KCNG3: variants seen among roughly 807,000 people sequenced by gnomAD.
KCNG3 encodes potassium voltage-gated channel modifier subfamily G member 3.
KCNG3 carries 15 observed loss-of-function variants against 29.0 expected under a neutral mutation model. The ratio of observed to expected loss-of-function variants is 0.52; its 90% CI spans 0.35 to 0.80. The LOEUF is 0.80. KCNG3 is among the 30% of genes least tolerant of loss of function. The pLI is 0.01. For missense variants in KCNG3, 512 were observed against 605.7 expected (o/e 0.85, Z 1.62); for synonymous variants, 322 against 248.9 (o/e 1.29, Z -2.76).
At chr2:42,486,030 A>G (rs1260168933) in intron 1 of KCNG3, among the ~76,000 whole-genome samples, 1 of 152,220 alleles carries the variant, frequency 6.6e-6, no homozygotes, top group Non-Finnish European at 1.5e-5. Flanking sequence ...GTTGTAAAGT[A>G]AGGAAAGACA....
the KCNG3 span, among the ~76,000 whole-genome samples, chr2:42,409,990 T>C: frequency 6.6e-6 from 1 of 152,142 alleles, no homozygotes; most frequent in African/African-American, 2.4e-5. Flanking sequence ...CTTAGAACTT[T>C]TGGGTTTCAT....
chr2:42,472,662 CTAA>C (rs960717767), intron 1 of KCNG3, among the ~76,000 whole-genome samples: 17 of 151,650 alleles, frequency 1.1e-4, no homozygotes, highest in African/African-American at 4.1e-4. Context: ...ACATACCCGG[CTAA>C]TTTTTGTATT....
At chr2:42,413,048 C>A in the KCNG3 span, among the ~76,000 whole-genome samples, 1 of 152,168 alleles carries the variant, frequency 6.6e-6, no homozygotes, top group Non-Finnish European at 1.5e-5. Flanking sequence ...TAGTTCACTG[C>A]AGCTTTTATC....
intron 1 of KCNG3, among the ~76,000 whole-genome samples, chr2:42,472,991 T>C (rs1262402475): frequency 6.8e-6 from 1 of 147,580 alleles, no homozygotes; most frequent in South Asian, 2.2e-4. Flanking sequence ...AAGCTCCGCC[T>C]CCCAGGTTCA....
chr2:42,478,761 G>A (rs928955955), intron 1 of KCNG3, among the ~76,000 whole-genome samples: 9 of 152,052 alleles, frequency 5.9e-5, no homozygotes, highest in African/African-American at 9.7e-5. Flanking sequence ...CAAGGGTCCC[G>A]TCTTGGTTAT....
chr2:42,416,508 T>G, the KCNG3 span, among the ~76,000 whole-genome samples: 1 of 152,032 alleles, frequency 6.6e-6, no homozygotes, highest in Non-Finnish European at 1.5e-5. Flanking sequence ...AATAACCAGA[T>G]TTTGAATGTG....
intron 1 of KCNG3, among the ~76,000 whole-genome samples, chr2:42,464,767 C>T (rs1673100085): frequency 1.3e-5 from 2 of 152,184 alleles, no homozygotes; most frequent in South Asian, 2.1e-4. Context: ...CTTAGGTCCA[C>T]TAGCATGGCT....
the KCNG3 span, among the ~76,000 whole-genome samples, chr2:42,419,423 A>G: frequency 2.0e-5 from 3 of 150,586 alleles, no homozygotes; most frequent in East Asian, 5.9e-4. Context: ...ATTTTTAGTT[A>G]AAGAGATGGG....
At chr2:42,417,600 G>C in the KCNG3 span, among the ~76,000 whole-genome samples, 3 of 152,162 alleles carry the variant, frequency 2.0e-5, no homozygotes, top group African/African-American at 7.2e-5. Flanking sequence ...GGGACTACAG[G>C]CGTGAGCCAC....
At chr2:42,405,471 C>A in the KCNG3 span, among the ~76,000 whole-genome samples, 1 of 151,428 alleles carries the variant, frequency 6.6e-6, no homozygotes, top group East Asian at 1.9e-4. Flanking sequence ...CGGCGTCTCA[C>A]TCTGTTTCCC....
intron 1 of KCNG3, among the ~76,000 whole-genome samples, chr2:42,474,750 T>C (rs1673380749): frequency 6.6e-6 from 1 of 152,234 alleles, no homozygotes; most frequent in African/African-American, 2.4e-5. Flanking sequence ...TTAAGTTTTA[T>C]GCACTACATT....
chr2:42,397,952 G>C, the KCNG3 span, among the ~76,000 whole-genome samples: 1 of 152,112 alleles, frequency 6.6e-6, no homozygotes, highest in Non-Finnish European at 1.5e-5. Context: ...GGCTGGGCAC[G>C]GTGGCTCACG....
intron 1 of KCNG3, among the ~76,000 whole-genome samples, chr2:42,473,792 TTA>T (rs2103713744): frequency 6.6e-6 from 1 of 152,270 alleles, no homozygotes; most frequent in African/African-American, 2.4e-5. Flanking sequence ...TTTTCAACAC[TTA>T]TATTAGAAAA....
At chr2:42,397,424 T>C in the KCNG3 span, among the ~76,000 whole-genome samples, 1 of 152,130 alleles carries the variant, frequency 6.6e-6, no homozygotes, top group Non-Finnish European at 1.5e-5. Context: ...TAAGCACGAT[T>C]ACTTACAGGA....
the KCNG3 span, among the ~76,000 whole-genome samples, chr2:42,396,973 G>GA: frequency 6.6e-6 from 1 of 152,144 alleles, no homozygotes; most frequent in East Asian, 1.9e-4. Context: ...AAAAAGCAAT[G>GA]AGAGGCTGGG....
In KCNG3 at chr2:42,444,519, G is replaced by A. The variant is rs761838194; in HGVS notation, c.726C>T (p.Val242=). The part of the protein sequence containing the change: ...FTAECIVRFI[V]SKNKCEFVKR... ...TGACAAACTCACACTTGTTTTTGGA[G>A]ACAATGAACCTCACGATGCACTCGG... Residue 242 remains valine (V), a synonymous_variant, in exon 2 of 2, where the codon GTC becomes GTT. Transcript: ENST00000306078. The surrounding 1 kb of genome is among the most constrained non-coding windows in gnomAD (Gnocchi z 5.8). The A allele has an allele frequency of 6.2e-7, 1 of 1,614,134 alleles. No individual in the cohort carries two copies. Among genetic ancestry groups the A allele is most frequent in the South Asian group, 1.1e-5 (1 of 91,070 alleles).
rs539723378 is a variant in KCNG3, at chr2:42,471,692, TA to T, written c.665+21144del. ...ATGAGCAATACAAACAACATGCAGA[TA>T]AATGTTTTTAAACATTATGCTCATC... On this transcript the variant is annotated intron_variant, in intron 1 of 1. Transcript: ENST00000306078. Among the ~76,000 whole-genome samples the T allele has an allele frequency of 7.4e-4, 112 of 152,170 alleles. 1 individual carries two copies. The South Asian group carries it at 0.022, about 30-fold the overall frequency.
At chr2:42,464,196 T>C (rs1374186511) in intron 1 of KCNG3, among the ~76,000 whole-genome samples, 2 of 152,224 alleles carry the variant, frequency 1.3e-5, no homozygotes, top group Non-Finnish European at 2.9e-5. Flanking sequence ...TACTGTGTAC[T>C]AGGTACTCAC....
At chr2:42,417,162 G>C in the KCNG3 span, among the ~76,000 whole-genome samples, 3 of 152,196 alleles carry the variant, frequency 2.0e-5, no homozygotes, top group African/African-American at 7.2e-5. Context: ...AGAATCGCTT[G>C]AACCTGGGCA....
Sources: gnomAD v4.1 joint callset for allele counts (sites outside exome capture counted in the v4.1 genomes callset) on GRCh38, gnomAD v4.1.1 for gene constraint, Gnocchi (gnomAD v3.1) non-coding constraint, MANE v1.5 for transcripts, NCBI Gene and HGNC (gene_info 2026-07-23, HGNC 2026-07-21) for gene names.